CNOT6: variants seen among roughly 807,000 people sequenced by gnomAD.
CNOT6 encodes the protein carbon catabolite repression 4 protein.
In CNOT6, 12 loss-of-function variants were observed where a neutral mutation model predicts 61.2. That is an observed-to-expected ratio of 0.20 (90% CI 0.13 to 0.32). The LOEUF (loss-of-function observed/expected upper bound fraction) is 0.32. Among genes scored for constraint, CNOT6 ranks in the 10% least tolerant of loss-of-function variants. The probability of loss-of-function intolerance (pLI) is 1.00; values close to 1 mark genes in which losing one functional copy is unlikely to be tolerated. For missense variants in CNOT6, 405 were observed against 663.9 expected, an observed-to-expected ratio of 0.61 and a Z score of 4.28; for synonymous variants, 225 against 240.6, an observed-to-expected ratio of 0.94 and a Z score of 0.60.
chr5:180,550,248 G>A (rs564605721), intron 3 of CNOT6, 131 bp downstream of exon 3: 5 of 625,296 alleles, frequency 8.0e-6, no homozygotes, highest in African/African-American at 3.7e-5. Context: ...TCAGGAGATC[G>A]AGACCATTCT....
At position 180,568,002 on chromosome 5, in the gene CNOT6, G is replaced by C; in HGVS notation, c.1026G>C (p.Pro342=). The part of the protein sequence containing the change: ...LELRKESIEM[P]SGKPHLGTEK... ...TTCGGAAGGAATCGATTGAAATGCCGTGTGAGTGCCCTTCACTTCCTGTAA... is the reference window on the plus strand; with the variant it reads ...TTCGGAAGGAATCGATTGAAATGCCCTGTGAGTGCCCTTCACTTCCTGTAA... The change falls in exon 9 of 12, where the codon CCG becomes CCC. Residue 342 remains proline, a splice_region_variant and synonymous_variant. Coordinates refer to ENST00000261951, the MANE Select transcript of CNOT6 (RefSeq NM_001370472.1). 6.2e-7 allele frequency: 1 copy of C among 1,602,322 alleles called. No individual in the cohort carries two copies. Among genetic ancestry groups the C allele is most frequent in the Non-Finnish European group, 8.5e-7 (1 of 1,171,838 alleles).
At chr5:180,559,686 G>A (rs936052606) in intron 4 of CNOT6, among the ~76,000 whole-genome samples, 19 of 151,740 alleles carry the variant, frequency 1.3e-4, no homozygotes, top group Non-Finnish European at 2.6e-4. Context: ...CTTTGCTTCT[G>A]CCTGCCTATG....
intron 3 of CNOT6, among the ~76,000 whole-genome samples, chr5:180,550,388 G>T (rs6601127): frequency 0.47 from 70,601 of 151,614 alleles, 17,502 homozygotes; most frequent in Non-Finnish European, 0.56. Context: ...GAGGTGGAGT[G>T]GCAGTGAGCC....
chr5:180,558,264 A>C (rs1028984171), intron 4 of CNOT6, among the ~76,000 whole-genome samples: 1 of 152,138 alleles, frequency 6.6e-6, no homozygotes, highest in Non-Finnish European at 1.5e-5. Context: ...CTCAGAGGCC[A>C]AGACAGACGC....
At position 180,549,917 on chromosome 5, in the gene CNOT6, T is replaced by C; in HGVS notation, c.113-14T>C. ...AAACTATATAATCCGTTCCTGTATT[T>C]TTTTCTCTTACAGGAAAAGTAAGAA... On this transcript the variant is annotated splice_polypyrimidine_tract_variant and intron_variant, in intron 2 of 11. Coordinates refer to ENST00000261951, the MANE Select transcript of CNOT6 (RefSeq NM_001370472.1). The C allele has an allele frequency of 6.3e-7, 1 of 1,588,422 alleles. No individual in the cohort carries two copies. Among genetic ancestry groups the C allele is most frequent in the Non-Finnish European group, 8.6e-7 (1 of 1,160,928 alleles).
intron 1 of CNOT6, among the ~76,000 whole-genome samples, chr5:180,504,013 T>G (rs1581465958): frequency 6.6e-6 from 1 of 152,238 alleles, no homozygotes; most frequent in Non-Finnish European, 1.5e-5. Flanking sequence ...TATAACCGTT[T>G]ACACTAGTAG....
At chr5:180,529,081 C>T (rs896253082) in intron 1 of CNOT6, among the ~76,000 whole-genome samples, 194 bp from the exon 2 acceptor site, 9 of 151,862 alleles carry the variant, frequency 5.9e-5, no homozygotes, top group Admixed American at 2.0e-4. Flanking sequence ...TGGTGGTGCA[C>T]GCCTATAGTC....
At chr5:180,517,247 C>G (rs906115170) in intron 1 of CNOT6, among the ~76,000 whole-genome samples, 2 of 152,174 alleles carry the variant, frequency 1.3e-5, no homozygotes, top group African/African-American at 4.8e-5. Context: ...AGGTGATTCT[C>G]CCATCTCAGC....
intron 2 of CNOT6, among the ~76,000 whole-genome samples, chr5:180,530,650 G>GCA (rs1258485336): frequency 2.6e-5 from 4 of 151,948 alleles, no homozygotes; most frequent in African/African-American, 9.7e-5. Flanking sequence ...CAATAGTGGA[G>GCA]GGAAGGTCAG....
At chr5:180,496,617 G>A (rs1222513192) in intron 1 of CNOT6, among the ~76,000 whole-genome samples, 1 of 151,960 alleles carries the variant, frequency 6.6e-6, no homozygotes, top group Non-Finnish European at 1.5e-5. Flanking sequence ...AAGGAGGATG[G>A]CTTGAGCCCA....
chr5:180,564,521 T>C lies in CNOT6; in HGVS notation c.418T>C (p.Tyr140His). 1 of 1,613,906 alleles carries C rather than the reference T, an allele frequency of 6.2e-7. No homozygotes were observed. The change falls in exon 5 of 12, where the codon TAT becomes CAT. Residue 140 changes from tyrosine (Y) to histidine (H), a missense_variant. Coordinates refer to ENST00000261951, the MANE Select transcript of CNOT6 (RefSeq NM_001370472.1). ...NPLTQDILNLYQEPDGTRRLL... is the reference protein window; with the variant it reads ...NPLTQDILNLHQEPDGTRRLL... ...CCTTACCCAGGATATATTGAACCTT[T>C]ATCAGGAACCAGATGGAACAAGACG...
At chr5:180,571,842 C>T (rs553250530) in intron 11 of CNOT6, among the ~76,000 whole-genome samples, 3 of 152,232 alleles carry the variant, frequency 2.0e-5, no homozygotes, top group African/African-American at 4.8e-5. Flanking sequence ...GGATTACAGG[C>T]GTGAACCACT....
In CNOT6 at chr5:180,550,116, A is replaced by G. The variant is rs1759520399; in HGVS notation, c.298A>G (p.Arg100Gly). The G allele has an allele frequency of 6.2e-7, 1 of 1,612,954 alleles. No homozygotes were observed. Among genetic ancestry groups the G allele is most frequent in the East Asian group, 2.2e-5 (1 of 44,874 alleles). Residue 100 changes from arginine to glycine, a missense_variant and splice_region_variant, in exon 3 of 12, where the codon AGG becomes GGG. Arg to Gly is a moderately radical substitution (Grantham distance 125, BLOSUM62 -2). Transcript: ENST00000261951. Reference sequence around the variant, plus strand: ...AGAACTCGGAAACATGGTATCACTCAGGTATGCAGATTCAACTTAATACAT... The same window carrying G: ...AGAACTCGGAAACATGGTATCACTCGGGTATGCAGATTCAACTTAATACAT... Reference protein sequence around the residue: ...PAELGNMVSLRELHLNNNLLR... With the variant: ...PAELGNMVSLGELHLNNNLLR...
intron 1 of CNOT6, among the ~76,000 whole-genome samples, chr5:180,501,755 T>C (rs1274081845): frequency 6.6e-6 from 1 of 152,070 alleles, no homozygotes; most frequent in Non-Finnish European, 1.5e-5. Context: ...TTGGACAGCA[T>C]TGAAATGGTT....
In CNOT6 at chr5:180,539,926, G is replaced by A. The variant is rs187925278; in HGVS notation, c.113-10005G>A. On this transcript the variant is annotated intron_variant, in intron 2 of 11. Transcript: ENST00000261951. ...TTTGAATTCAGTTTTTCTAAACTTA[G>A]AAGATGTGACTCAGGGTAGTTGTAC... is the stretch of plus-strand genomic sequence containing the variant. 2.6e-5 allele frequency among the ~76,000 whole-genome samples: 4 copies of A among 152,246 alleles called. No individual in the cohort carries two copies. The East Asian group carries it at 7.7e-4, about 29-fold the overall frequency.
Position 180,494,467 on chromosome 5 carries a change from C to A in CNOT6, c.-299C>A. ...GAGGAGGCGGCGGCGTCGGTGGCGGCGGCGACGGCGGCGCGGAGGCGAAGG... is the reference window on the plus strand; with the variant it reads ...GAGGAGGCGGCGGCGTCGGTGGCGGAGGCGACGGCGGCGCGGAGGCGAAGG... On this transcript the variant is annotated 5_prime_UTR_variant, in exon 1 of 12. Coordinates refer to ENST00000261951, the MANE Select transcript of CNOT6 (RefSeq NM_001370472.1). 6.5e-6 allele frequency: 1 copy of A among 154,414 alleles called. No individual in the cohort carries two copies. The highest frequency in any genetic ancestry group is 1.4e-5 in the Non-Finnish European group (1 of 70,462). 9.6% of individuals were successfully genotyped at this position (154,414 alleles called of 1,614,324 possible).
At chr5:180,554,181 G>A (rs531793893) in intron 4 of CNOT6, among the ~76,000 whole-genome samples, 2 of 152,272 alleles carry the variant, frequency 1.3e-5, no homozygotes, top group South Asian at 4.1e-4. Context: ...ACTTTGGGAG[G>A]CTGAGGTGGG....
At chr5:180,563,944 C>T (rs1378220371) in intron 4 of CNOT6, among the ~76,000 whole-genome samples, 1 of 152,160 alleles carries the variant, frequency 6.6e-6, no homozygotes, top group Non-Finnish European at 1.5e-5. Context: ...TTTTTTCCCC[C>T]TCCTTAGTGA....
At chr5:180,521,076 C>CA (rs1230501123) in intron 1 of CNOT6, among the ~76,000 whole-genome samples, 1 of 152,082 alleles carries the variant, frequency 6.6e-6, no homozygotes, top group Non-Finnish European at 1.5e-5. Flanking sequence ...CGAGCTCAGA[C>CA]AGTCCGCCTG....
Sources: gnomAD v4.1 joint callset for allele counts (sites outside exome capture counted in the v4.1 genomes callset) on GRCh38, gnomAD v4.1.1 for gene constraint, MANE v1.5 for transcripts, NCBI Gene and HGNC (gene_info 2026-07-23, HGNC 2026-07-21) for gene names.